SORCS2: variants seen among roughly 807,000 people sequenced by gnomAD.
SORCS2 encodes VPS10 domain-containing receptor SorCS2.
A neutral mutation model predicts 141.6 loss-of-function variants in SORCS2; 100 were observed. The ratio of observed to expected loss-of-function variants is 0.71; its 90% CI spans 0.60 to 0.83. SORCS2 has a LOEUF of 0.83. SORCS2 is among the 40% of genes least tolerant of loss of function. The pLI is 0.00. For synonymous variants in SORCS2, 789 were observed against 676.9 expected (o/e 1.17, Z -2.57); for missense variants, 1,646 against 1,560.2 (o/e 1.05, Z -0.93).
At chr4:7,212,366 ATG>A (rs1483931619) in intron 1 of SORCS2, among the ~76,000 whole-genome samples, 2 of 152,176 alleles carry the variant, frequency 1.3e-5, no homozygotes, top group African/African-American at 4.8e-5. Flanking sequence ...GTACAAAAGG[ATG>A]TGTTAAGCAG....
intron 3 of SORCS2, among the ~76,000 whole-genome samples, chr4:7,545,442 C>T (rs1288311442): frequency 6.6e-6 from 1 of 152,190 alleles, no homozygotes; most frequent in Non-Finnish European, 1.5e-5. Context: ...TCACCTGTGT[C>T]ATCCATCAGG....
At position 7,484,893 on chromosome 4, in the gene SORCS2, T is replaced by C. The variant is rs575071188; in HGVS notation, c.549-46637T>C. On this transcript the variant is annotated intron_variant, in intron 2 of 26. Transcript: ENST00000507866. ...TGTCTCCTGCATCCAGCCCACCTCCTCCACACAGCCTGCCTCCTTAAGGCC... is the reference window on the plus strand; with the variant it reads ...TGTCTCCTGCATCCAGCCCACCTCCCCCACACAGCCTGCCTCCTTAAGGCC... Among the ~76,000 whole-genome samples the C allele has an allele frequency of 9.9e-5, 15 of 152,198 alleles. No individual in the cohort carries two copies. The East Asian group carries it at 2.9e-3, about 30-fold the overall frequency.
At chr4:7,443,544 C>G (rs1307588529) in intron 2 of SORCS2, among the ~76,000 whole-genome samples, 2 of 152,218 alleles carry the variant, frequency 1.3e-5, no homozygotes, top group Non-Finnish European at 1.5e-5. Flanking sequence ...GCTGAAACTT[C>G]CAGCCACAGT....
intron 2 of SORCS2, among the ~76,000 whole-genome samples, chr4:7,405,405 T>C (rs1453267531): frequency 9.1e-6 from 1 of 109,540 alleles, no homozygotes; most frequent in Non-Finnish European, 2.2e-5. Context: ...GTTGGTATTT[T>C]GGTAGGAATT....
chr4:7,462,953 T>C (rs926630048), intron 2 of SORCS2, among the ~76,000 whole-genome samples: 1 of 151,616 alleles, frequency 6.6e-6, no homozygotes, highest in Non-Finnish European at 1.5e-5. Flanking sequence ...CTTGCCAATA[T>C]GGGGACTGAG....
chr4:7,572,387 C>A (rs1715461971), intron 3 of SORCS2, among the ~76,000 whole-genome samples: 1 of 151,738 alleles, frequency 6.6e-6, no homozygotes, highest in African/African-American at 2.4e-5. Flanking sequence ...AAGATGAAAT[C>A]ATTTAATCAT....
chr4:7,338,173 A>AGGGATGGATGT (rs1720116154), intron 1 of SORCS2, among the ~76,000 whole-genome samples: 1 of 145,326 alleles, frequency 6.9e-6, no homozygotes, highest in Non-Finnish European at 1.5e-5. Flanking sequence ...GGATGGATGG[A>AGGGATGGATGT]TGGATGGATG....
chr4:7,695,600 G>GGATGGATGGA (rs1560490205), intron 11 of SORCS2, among the ~76,000 whole-genome samples: 1 of 5,706 alleles, frequency 1.8e-4, no homozygotes, highest in Non-Finnish European at 3.0e-4. Flanking sequence ...GGGTGGGTGG[G>GGATGGATGGA]TGGATGGATG....
Position 7,695,746 on chromosome 4 carries a change from GGATGGA to G in SORCS2, c.1592-1451_1592-1446del. Among the ~76,000 whole-genome samples the G allele has an allele frequency of 1.0e-3, 26 of 24,910 alleles. 5 individuals carry two copies. Among genetic ancestry groups the G allele is most frequent in the Admixed American group, 2.0e-3 (6 of 3,064 alleles). 16.3% of individuals were successfully genotyped at this position (24,910 alleles called of 152,430 possible). On this transcript the variant is annotated intron_variant, in intron 11 of 26. Coordinates refer to ENST00000507866, the MANE Select transcript of SORCS2 (RefSeq NM_020777.3). ...TGGATGGATGGATTGGTGGGTGGAT[GGATGGA>G]TGGATGGATGGATGGATGGATGGAT...
chr4:7,530,945 G>A (rs567019420), intron 2 of SORCS2, among the ~76,000 whole-genome samples: 65 of 152,290 alleles, frequency 4.3e-4, no homozygotes, highest in Non-Finnish European at 7.3e-4. Context: ...GCAGCTGCCC[G>A]AACTCTGGTA....
chr4:7,592,109 A>G (rs1353090613), intron 3 of SORCS2, among the ~76,000 whole-genome samples: 1 of 152,188 alleles, frequency 6.6e-6, no homozygotes. Flanking sequence ...TACTTGAAAA[A>G]GATACGCTTC....
At chr4:7,737,722 G>A (rs553335902) in intron 26 of SORCS2, among the ~76,000 whole-genome samples, 6 of 152,292 alleles carry the variant, frequency 3.9e-5, no homozygotes, top group South Asian at 2.1e-4. Flanking sequence ...ATGACAAACC[G>A]CCCACCTCAG....
chr4:7,565,550 T>G (rs1714911285), intron 3 of SORCS2, among the ~76,000 whole-genome samples: 1 of 152,138 alleles, frequency 6.6e-6, no homozygotes, highest in African/African-American at 2.4e-5. Flanking sequence ...GACGTGATGA[T>G]GATGATACCA....
chr4:7,354,263 C>T (rs551762741), intron 1 of SORCS2, among the ~76,000 whole-genome samples: 63 of 152,294 alleles, frequency 4.1e-4, no homozygotes, highest in African/African-American at 1.5e-3. Context: ...ACACTCACCT[C>T]AATGTGAGCT....
intron 3 of SORCS2, among the ~76,000 whole-genome samples, chr4:7,584,033 C>T (rs1207113955): frequency 6.6e-6 from 1 of 152,216 alleles, no homozygotes; most frequent in Non-Finnish European, 1.5e-5. Flanking sequence ...CCTTTGAAGA[C>T]TGAGATGATG....
chr4:7,304,686 C>A (rs1028345853), intron 1 of SORCS2, among the ~76,000 whole-genome samples: 3 of 152,214 alleles, frequency 2.0e-5, no homozygotes, highest in Non-Finnish European at 4.4e-5. Flanking sequence ...GGCGAACAGG[C>A]CTGAGCTCCT....
chr4:7,316,686 A>G (rs1718583955), intron 1 of SORCS2, among the ~76,000 whole-genome samples: 1 of 152,346 alleles, frequency 6.6e-6, no homozygotes, highest in South Asian at 2.1e-4. Flanking sequence ...ATTATGGAAG[A>G]GTGCTGAAAT....
At chr4:7,673,455 G>A (rs192386717) in intron 8 of SORCS2, among the ~76,000 whole-genome samples, 2 of 152,280 alleles carry the variant, frequency 1.3e-5, no homozygotes, top group Admixed American at 1.3e-4. Flanking sequence ...CCACAAAATG[G>A]AATATCATGC....
intron 1 of SORCS2, among the ~76,000 whole-genome samples, chr4:7,261,854 T>C (rs1714350552): frequency 1.3e-5 from 2 of 152,224 alleles, no homozygotes; most frequent in African/African-American, 2.4e-5. Context: ...GCCTTCTGAC[T>C]GTAAAGAAAT....
Sources: gnomAD v4.1 joint callset for allele counts (sites outside exome capture counted in the v4.1 genomes callset) on GRCh38, gnomAD v4.1.1 for gene constraint, MANE v1.5 for transcripts, NCBI Gene and HGNC (gene_info 2026-07-23, HGNC 2026-07-21) for gene names.